Variants in TBC1D22A observed in about 807,000 individuals in gnomAD.
TBC1D22A encodes the protein TBC1 domain family member 22A, also known as putative GTPase activator.
In TBC1D22A, 38 loss-of-function variants were observed where a neutral mutation model predicts 60.2. The ratio of observed to expected loss-of-function variants is 0.63; its 90% confidence interval spans 0.49 to 0.83. The LOEUF is 0.83. Ranked by LOEUF, TBC1D22A falls within the 40% of genes least tolerant of loss-of-function variation. The probability of loss-of-function intolerance (pLI) is 0.00; values close to 1 mark genes in which losing one functional copy is unlikely to be tolerated. For synonymous variants in TBC1D22A, 302 were observed against 281.7 expected, an observed-to-expected ratio of 1.07 and a Z score of -0.72; for missense variants, 628 against 701.0, an observed-to-expected ratio of 0.90 and a Z score of 1.18.
intron 11 of TBC1D22A, among the ~76,000 whole-genome samples, chr22:47,081,052 G>A (rs185160219): frequency 1.4e-5 from 2 of 145,180 alleles, no homozygotes; most frequent in African/African-American, 5.1e-5. Context: ...CCTGGGAGGC[G>A]AAGGTTGCGG....
At chr22:46,901,381 A>C (rs2068984284) in intron 7 of TBC1D22A, among the ~76,000 whole-genome samples, 1 of 152,152 alleles carries the variant, frequency 6.6e-6, no homozygotes, top group African/African-American at 2.4e-5. Context: ...CTTGGTGTGA[A>C]AGTATTGTTT....
intron 1 of TBC1D22A, among the ~76,000 whole-genome samples, chr22:46,791,531 G>GT (rs11351638): frequency 0.11 from 15,301 of 140,526 alleles, 916 homozygotes; most frequent in Middle Eastern, 0.15. Context: ...AGCTAAGCCT[G>GT]TTTTTTTTTT....
At chr22:47,065,655 G>GCGGCACGGGGACTT (rs57925231) in intron 11 of TBC1D22A, among the ~76,000 whole-genome samples, 2 of 151,014 alleles carry the variant, frequency 1.3e-5, no homozygotes, top group Non-Finnish European at 1.5e-5. Flanking sequence ...GGGTTGGATT[G>GCGGCACGGGGACTT]AGGGAGACCT....
chr22:47,084,946 C>T (rs2064618601), intron 11 of TBC1D22A, among the ~76,000 whole-genome samples: 1 of 152,098 alleles, frequency 6.6e-6, no homozygotes, highest in South Asian at 2.1e-4. Context: ...TAACTCTAAG[C>T]GTTCTTGGAC....
chr22:47,016,918 C>T (rs1238429856), intron 10 of TBC1D22A, among the ~76,000 whole-genome samples: 2 of 152,222 alleles, frequency 1.3e-5, no homozygotes, highest in Non-Finnish European at 2.9e-5. Context: ...GCGAGCCTCC[C>T]ACTGCTCTCA....
In TBC1D22A at chr22:46,762,681, C is replaced by G; in HGVS notation, c.-106C>G. ...GCTTCTCGGCTCTAGGCTCTGGAGT[C>G]CCGGGAGCAGTGAGGGGCCACCCGG... On this transcript the variant is annotated 5_prime_UTR_variant, in exon 1 of 13. Transcript: ENST00000337137. 2.1e-6 allele frequency: 2 copies of G among 974,136 alleles called. No individual in the cohort carries two copies. Among genetic ancestry groups the G allele is most frequent in the East Asian group, 3.3e-5 (1 of 30,324 alleles). The allele number at this position is 974,136 out of a possible 1,614,324, so 60.3% of individuals were successfully genotyped here. A position where few individuals can be genotyped will look rare whatever the true frequency, so the allele number is the denominator to read the frequency against.
chr22:47,003,270 G>A (rs2061454601), intron 10 of TBC1D22A, among the ~76,000 whole-genome samples: 1 of 152,036 alleles, frequency 6.6e-6, no homozygotes, highest in Admixed American at 6.5e-5. Flanking sequence ...TGAGTGGGGT[G>A]AAGTGGAATT....
At chr22:47,088,990 G>C (rs1175814404) in intron 11 of TBC1D22A, among the ~76,000 whole-genome samples, 2 of 152,106 alleles carry the variant, frequency 1.3e-5, no homozygotes, top group African/African-American at 4.8e-5. Context: ...CTCAGCAGGG[G>C]AATAAACTAG....
intron 4 of TBC1D22A, among the ~76,000 whole-genome samples, chr22:46,862,175 C>T (rs998680116): frequency 2.6e-5 from 4 of 152,300 alleles, no homozygotes; most frequent in Admixed American, 6.5e-5. Context: ...TTGGGTGGAA[C>T]GCGGTATGGA....
intron 10 of TBC1D22A, among the ~76,000 whole-genome samples, chr22:47,022,664 C>T (rs1286015090): frequency 1.3e-5 from 2 of 152,120 alleles, no homozygotes; most frequent in Non-Finnish European, 2.9e-5. Context: ...GGGGAAGAAC[C>T]GCTTGAAATG....
At chr22:47,036,982 C>T (rs760142543) in intron 10 of TBC1D22A, 89 bp from the exon 11 acceptor site, 74 of 1,545,456 alleles carry the variant, frequency 4.8e-5, no homozygotes, top group South Asian at 1.9e-4. Context: ...CTGAGGCGGG[C>T]GCAGGCCCTT....
intron 1 of TBC1D22A, among the ~76,000 whole-genome samples, chr22:46,775,969 G>A (rs1308053944): frequency 6.6e-6 from 1 of 152,226 alleles, no homozygotes. Context: ...GAGGCCCTGG[G>A]GCGTGTGCAA....
At chr22:46,805,113 A>G (rs2085071642) in intron 4 of TBC1D22A, among the ~76,000 whole-genome samples, 1 of 152,204 alleles carries the variant, frequency 6.6e-6, no homozygotes, top group African/African-American at 2.4e-5. Context: ...GTTTGTGTCC[A>G]TCTGCCCATT....
At chr22:46,901,783 G>C (rs1348117686) in intron 7 of TBC1D22A, among the ~76,000 whole-genome samples, 2 of 152,188 alleles carry the variant, frequency 1.3e-5, no homozygotes, top group Non-Finnish European at 2.9e-5. Flanking sequence ...ACGCTACGAT[G>C]CTTCTGGATT....
chr22:47,136,917 G>T (rs574124759), intron 12 of TBC1D22A, among the ~76,000 whole-genome samples: 4 of 152,162 alleles, frequency 2.6e-5, no homozygotes, highest in African/African-American at 9.7e-5. Flanking sequence ...CCCATCTCAC[G>T]GTAGGTCTCC....
chr22:46,878,849 GC>G, intron 5 of TBC1D22A, 126 bp downstream of exon 5: 1 of 750,380 alleles, frequency 1.3e-6, no homozygotes, highest in Non-Finnish European at 2.2e-6. Flanking sequence ...AGTGATAAAG[GC>G]CTTTGCTATG....
chr22:47,171,561 CCT>C lies in TBC1D22A; in HGVS notation c.1426-1936_1426-1935del, dbSNP rs150863201. Reference sequence around the variant, plus strand: ...TGGGCTGGCCCTGACCTGATGGTCCCCTGTTTCTCTTCTGAGAACCCCCACTG... The same window carrying C: ...TGGGCTGGCCCTGACCTGATGGTCCCGTTTCTCTTCTGAGAACCCCCACTG... On this transcript the variant is annotated intron_variant, in intron 12 of 12. Coordinates refer to ENST00000337137, the MANE Select transcript of TBC1D22A (RefSeq NM_014346.5). Among the ~76,000 whole-genome samples, 1,512 of 152,294 alleles carry C rather than the reference CCT, an allele frequency of 9.9e-3. 30 individuals carry two copies. Among genetic ancestry groups the C allele is most frequent in the African/African-American group, 0.034 (1,417 of 41,550 alleles).
At chr22:47,164,354 C>G (rs1374261284) in intron 12 of TBC1D22A, among the ~76,000 whole-genome samples, 1 of 152,248 alleles carries the variant, frequency 6.6e-6, no homozygotes, top group Non-Finnish European at 1.5e-5. Context: ...TTTGGAGGCA[C>G]TTGTCACTTA....
intron 8 of TBC1D22A, among the ~76,000 whole-genome samples, chr22:46,921,360 T>G (rs1473720673): frequency 6.6e-6 from 1 of 152,184 alleles, no homozygotes; most frequent in Non-Finnish European, 1.5e-5. Context: ...TGTGCCTGTA[T>G]TGGTTCTTTT....
Sources: gnomAD v4.1 joint callset for allele counts (sites outside exome capture counted in the v4.1 genomes callset) on GRCh38, gnomAD v4.1.1 for gene constraint, MANE v1.5 for transcripts, NCBI Gene and HGNC (gene_info 2026-07-23, HGNC 2026-07-21) for gene names.